IPMK: variants seen among roughly 807,000 people sequenced by gnomAD.
The protein encoded by IPMK is inositol 1,3,4,6-tetrakisphosphate 5-kinase.
A neutral mutation model predicts 45.8 loss-of-function variants in IPMK; 17 were observed. That is an observed-to-expected ratio of 0.37 (90% confidence interval 0.25 to 0.56). The LOEUF (loss-of-function observed/expected upper bound fraction) is 0.56, where lower values mean the gene tolerates loss of function less well. Among genes scored for constraint, IPMK ranks in the 20% least tolerant of loss-of-function variants. IPMK has a pLI of 0.79. For synonymous variants in IPMK, 180 were observed against 184.3 expected, an observed-to-expected ratio of 0.98 and a Z score of 0.19; for missense variants, 399 against 498.0, an observed-to-expected ratio of 0.80 and a Z score of 1.89.
In IPMK at chr10:58,199,457, C is replaced by T. The variant is rs114292964; in HGVS notation, c.547-136G>A. 1,382 of 499,296 alleles carry T rather than the reference C, an allele frequency of 2.8e-3. 9 individuals are homozygous for T. Among genetic ancestry groups the T allele is most frequent in the African/African-American group, 0.013 (646 of 50,306 alleles). 30.9% of individuals were successfully genotyped at this position (499,296 alleles called of 1,614,324 possible). A position where few individuals can be genotyped will look rare whatever the true frequency, so the allele number is the denominator to read the frequency against. Reference sequence around the variant, plus strand: ...TAGATTTGAGAAGAAAAAAAAAAATCGCAGTTATATCAATGGATGCTGAAA... The same window carrying T: ...TAGATTTGAGAAGAAAAAAAAAAATTGCAGTTATATCAATGGATGCTGAAA... On this transcript the variant is annotated intron_variant, in intron 4 of 5. Transcript: ENST00000373935.
chr10:58,267,330 C>A, intron 1 of IPMK, 92 bp downstream of exon 1: 1 of 1,302,990 alleles, frequency 7.7e-7, no homozygotes, highest in Non-Finnish European at 1.1e-6. Context: ...GGGGGGCGTC[C>A]AGGCAGGCCC....
intron 1 of IPMK, among the ~76,000 whole-genome samples, chr10:58,247,910 TA>T (rs1838825959): frequency 6.6e-6 from 1 of 152,210 alleles, no homozygotes; most frequent in Non-Finnish European, 1.5e-5. Context: ...AATTTGGAAG[TA>T]AAGCCCTCTA....
rs1370148213 is a variant in IPMK at position 58,216,034 on chromosome 10, A to C, written c.546+111T>G. 6 of 812,130 alleles carry C rather than the reference A, an allele frequency of 7.4e-6. No homozygotes were observed. The Admixed American group carries it at 9.7e-5, about 13-fold the overall frequency. The allele number at this position is 812,130 out of a possible 1,614,324, so 50.3% of individuals were successfully genotyped here. Reference sequence around the variant, plus strand: ...ACATTGGGGAGTTACAGACAACTCAATTCCAAAATACATTATTTTCTGATA... The same window carrying C: ...ACATTGGGGAGTTACAGACAACTCACTTCCAAAATACATTATTTTCTGATA... On this transcript the variant is annotated intron_variant, in intron 4 of 5. Transcript: ENST00000373935.
At chr10:58,259,671 T>TAAAAAAAAAAAAGAAAAAAAAAAA (rs1839028239) in intron 1 of IPMK, among the ~76,000 whole-genome samples, 1 of 86,768 alleles carries the variant, frequency 1.2e-5, no homozygotes, top group African/African-American at 6.3e-5. Context: ...CATCTCTACA[T>TAAAAAAAAAAAAGAAAAAAAAAAA]AAAAAAAAAA....
In IPMK at chr10:58,192,594, C is replaced by T. The variant is rs1346680441; in HGVS notation, c.*3482G>A. On this transcript the variant is annotated 3_prime_UTR_variant, in exon 6 of 6. Coordinates refer to ENST00000373935, the MANE Select transcript of IPMK (RefSeq NM_152230.5). ...TATTTTAATTAAGTCCCCAATCCCA[C>T]CCCATCCAAAGAGAATGCTGAAAAT... 2 of 151,974 alleles carry T rather than the reference C, an allele frequency of 1.3e-5. No homozygotes were observed. Among genetic ancestry groups the T allele is most frequent in the African/African-American group, 4.8e-5 (2 of 41,424 alleles). 9.4% of individuals were successfully genotyped at this position (151,974 alleles called of 1,614,324 possible). A position where few individuals can be genotyped will look rare whatever the true frequency, so the allele number is the denominator to read the frequency against.
At chr10:58,228,186 T>G (rs1237851546) in intron 2 of IPMK, among the ~76,000 whole-genome samples, 3 of 152,222 alleles carry the variant, frequency 2.0e-5, no homozygotes, top group Non-Finnish European at 4.4e-5. Context: ...GTGGGTGCAG[T>G]GCTGAGGATG....
chr10:58,197,490 AAC>A (rs1327670695), intron 5 of IPMK, among the ~76,000 whole-genome samples: 1 of 151,238 alleles, frequency 6.6e-6, no homozygotes, highest in East Asian at 2.0e-4. Flanking sequence ...CTCTACTAAA[AAC>A]ACAAAAAATT....
At chr10:58,253,754 A>AAAAG (rs1838921439) in intron 1 of IPMK, among the ~76,000 whole-genome samples, 1 of 143,418 alleles carries the variant, frequency 7.0e-6, no homozygotes, top group Non-Finnish European at 1.5e-5. Flanking sequence ...AAAAAAAGAA[A>AAAAG]AAAAAAGAAA....
At chr10:58,247,677 G>C (rs1824911291) in intron 1 of IPMK, among the ~76,000 whole-genome samples, 1 of 152,120 alleles carries the variant, frequency 6.6e-6, no homozygotes, top group Admixed American at 6.6e-5. Context: ...AGGGGTGAGG[G>C]ATAGCATTGG....
intron 1 of IPMK, among the ~76,000 whole-genome samples, chr10:58,249,199 T>C (rs1196860362): frequency 2.0e-5 from 3 of 152,204 alleles, no homozygotes; most frequent in South Asian, 2.1e-4. Context: ...CTGCTATCCT[T>C]TCACTGTTTT....
intron 1 of IPMK, among the ~76,000 whole-genome samples, chr10:58,241,403 G>A (rs1389076079): frequency 1.3e-5 from 2 of 152,172 alleles, no homozygotes; most frequent in African/African-American, 4.8e-5. Flanking sequence ...AGGCCTAGGT[G>A]CACAAAGAAG....
At chr10:58,233,530 A>G (rs1419756469) in intron 2 of IPMK, among the ~76,000 whole-genome samples, 2 of 152,232 alleles carry the variant, frequency 1.3e-5, no homozygotes, top group African/African-American at 4.8e-5. Flanking sequence ...ACGCAAATCA[A>G]TAAACGTAAT....
At chr10:58,241,849 G>A (rs995965058) in intron 1 of IPMK, among the ~76,000 whole-genome samples, 2 of 151,678 alleles carry the variant, frequency 1.3e-5, no homozygotes, top group African/African-American at 2.4e-5. Flanking sequence ...AGGGGAGGGG[G>A]GCTTCAACAT....
intron 5 of IPMK, among the ~76,000 whole-genome samples, chr10:58,197,670 G>GAAAAAA (rs10617632): frequency 7.7e-6 from 1 of 129,932 alleles, no homozygotes; most frequent in Non-Finnish European, 1.7e-5. Context: ...GAAAAGAAAA[G>GAAAAAA]AAAAAAAAAA....
At chr10:58,259,814 T>G (rs753228581) in intron 1 of IPMK, among the ~76,000 whole-genome samples, 1 of 152,048 alleles carries the variant, frequency 6.6e-6, no homozygotes, top group African/African-American at 2.4e-5. Flanking sequence ...CACTCGAGCC[T>G]GGGTAACAGA....
chr10:58,208,107 A>AT (rs1276229937), intron 4 of IPMK, among the ~76,000 whole-genome samples: 1 of 151,794 alleles, frequency 6.6e-6, no homozygotes, highest in East Asian at 1.9e-4. Flanking sequence ...CGCCCGGCTA[A>AT]TTTTTTGTAT....
At chr10:58,240,209 C>CA (rs377650602) in intron 1 of IPMK, among the ~76,000 whole-genome samples, 33 of 149,240 alleles carry the variant, frequency 2.2e-4, no homozygotes, top group South Asian at 4.2e-4. Context: ...AGATAAACTA[C>CA]AAAAAAAAAC....
chr10:58,196,486 C>T lies in IPMK; in HGVS notation c.841G>A (p.Gly281Arg), dbSNP rs1283100837. Reference sequence around the variant, plus strand: ...AGTACTTCTGTGTCTGACAGTTGTCCTTTGGACAAAAACTTTTCTGCCAAA... The same window carrying T: ...AGTACTTCTGTGTCTGACAGTTGTCTTTTGGACAAAAACTTTTCTGCCAAA... ...RTLAEKFLSK[G>R]QLSDTEVLEY... The change falls in exon 6 of 6, where the codon GGA becomes AGA. Residue 281 changes from glycine (G) to arginine (R), a missense_variant. By Grantham distance (125) the Gly-to-Arg change is moderately radical. Transcript: ENST00000373935. 6.2e-7 allele frequency: 1 copy of T among 1,614,016 alleles called. No individual in the cohort carries two copies. Among genetic ancestry groups the T allele is most frequent in the South Asian group, 1.1e-5 (1 of 91,064 alleles).
intron 3 of IPMK, among the ~76,000 whole-genome samples, chr10:58,219,606 C>T (rs574127737): frequency 2.6e-5 from 4 of 152,152 alleles, no homozygotes; most frequent in Non-Finnish European, 4.4e-5. Flanking sequence ...CAAAGGACAC[C>T]TTTTCGGCTA....
Sources: gnomAD v4.1 joint callset for allele counts (sites outside exome capture counted in the v4.1 genomes callset) on GRCh38, gnomAD v4.1.1 for gene constraint, MANE v1.5 for transcripts, NCBI Gene and HGNC (gene_info 2026-07-23, HGNC 2026-07-21) for gene names.